Variants in ARMC9 observed in about 807,000 individuals in gnomAD.
ARMC9 encodes lisH domain-containing protein ARMC9.
ARMC9 carries 94 observed loss-of-function variants against 107.0 expected under a neutral mutation model. That is an observed-to-expected ratio of 0.88 (90% CI 0.74 to 1.04). The LOEUF is 1.04. Ranked by LOEUF, ARMC9 falls within the 50% of genes least tolerant of loss-of-function variation. The pLI is 0.00. For synonymous variants in ARMC9, 380 were observed against 396.9 expected (o/e 0.96, Z 0.51); for missense variants, 942 against 1,030.1 (o/e 0.91, Z 1.17).
chr2:231,221,830 C>CCAA (rs762857854), intron 5 of ARMC9, among the ~76,000 whole-genome samples: 2 of 74,090 alleles, frequency 2.7e-5, no homozygotes, highest in East Asian at 7.7e-4. Context: ...GACTCTGTCT[C>CCAA]AAAAAAAAAA....
rs75800289 is a variant in ARMC9, at chr2:231,279,940, A to G, written c.1551+1482A>G. 3.3e-3 allele frequency among the ~76,000 whole-genome samples: 505 copies of G among 152,296 alleles called. 5 individuals carry two copies. The highest frequency in any genetic ancestry group is 0.012 in the African/African-American group (485 of 41,560). On this transcript the variant is annotated intron_variant, in intron 16 of 24. Coordinates refer to ENST00000611582, the MANE Select transcript of ARMC9 (RefSeq NM_001352754.2). ...TTGGTGTCTTTGTGACATTCATTTT[A>G]TATTTTAAAGCTAGTGAGCTCTGAA...
intron 23 of ARMC9, among the ~76,000 whole-genome samples, chr2:231,367,291 G>A (rs565887247): frequency 8.3e-4 from 126 of 152,310 alleles, no homozygotes; most frequent in Non-Finnish European, 1.4e-3. Context: ...GGGCCCTGCC[G>A]CCCAGGCTTT....
At chr2:231,201,508 G>A (rs1433704726) in intron 1 of ARMC9, among the ~76,000 whole-genome samples, 1 of 152,076 alleles carries the variant, frequency 6.6e-6, no homozygotes, top group Non-Finnish European at 1.5e-5. Flanking sequence ...GCCCACTCCC[G>A]TGGTCGGGAG....
chr2:231,294,869 A>G (rs2041252539), intron 18 of ARMC9: 1 of 152,222 alleles, frequency 6.6e-6, no homozygotes, highest in Admixed American at 6.5e-5. Flanking sequence ...TTTCTAGACT[A>G]AATGGCATTC....
chr2:231,225,330 T>G (rs1220979817), intron 6 of ARMC9, among the ~76,000 whole-genome samples: 2 of 152,202 alleles, frequency 1.3e-5, no homozygotes, highest in African/African-American at 4.8e-5. Flanking sequence ...GTCCAGGCTG[T>G]ACACCCAAGA....
At chr2:231,270,652 A>G (rs138749105) in intron 12 of ARMC9, 247 of 513,962 alleles carry the variant, frequency 4.8e-4, no homozygotes, top group African/African-American at 4.1e-3. Flanking sequence ...GAGCCAAATT[A>G]GTCATGTGTC....
intron 19 of ARMC9, among the ~76,000 whole-genome samples, chr2:231,300,418 T>C (rs2041649473): frequency 6.6e-6 from 1 of 152,186 alleles, no homozygotes; most frequent in Admixed American, 6.5e-5. Flanking sequence ...TATCTGTGGT[T>C]TAAAATACCT....
intron 19 of ARMC9, among the ~76,000 whole-genome samples, chr2:231,303,219 G>A (rs571899589): frequency 1.4e-4 from 21 of 151,856 alleles, no homozygotes; most frequent in African/African-American, 4.6e-4. Context: ...TGTGGGTTTT[G>A]GGTTTGTTTG....
intron 23 of ARMC9, among the ~76,000 whole-genome samples, chr2:231,365,568 G>A (rs1024243629): frequency 5.3e-5 from 8 of 152,198 alleles, no homozygotes; most frequent in Non-Finnish European, 8.8e-5. Context: ...TATTGCTGCG[G>A]ACATTTCATC....
intron 21 of ARMC9, 129 bp from the exon 22 acceptor site, chr2:231,355,669 T>A (rs2045310800): frequency 8.6e-7 from 1 of 1,169,268 alleles, no homozygotes; most frequent in African/African-American, 1.5e-5. Context: ...AGGTCTGATA[T>A]GCTAATGATG....
At chr2:231,307,118 C>T (rs1464853997) in intron 19 of ARMC9, among the ~76,000 whole-genome samples, 1 of 152,194 alleles carries the variant, frequency 6.6e-6, no homozygotes, top group African/African-American at 2.4e-5. Flanking sequence ...GGGAACAGCT[C>T]TGCTCCATGG....
At chr2:231,242,942 C>G (rs1021244522) in intron 9 of ARMC9, among the ~76,000 whole-genome samples, 3 of 152,068 alleles carry the variant, frequency 2.0e-5, no homozygotes, top group Admixed American at 2.0e-4. Context: ...GAAAACCCAT[C>G]TCCACAAAAA....
intron 5 of ARMC9, among the ~76,000 whole-genome samples, chr2:231,220,079 C>T (rs1021610267): frequency 6.6e-6 from 1 of 152,186 alleles, no homozygotes; most frequent in African/African-American, 2.4e-5. Flanking sequence ...ATGTTTCCTT[C>T]TCTTAATCTC....
chr2:231,356,364 C>T (rs2045345382), intron 22 of ARMC9, among the ~76,000 whole-genome samples: 2 of 152,096 alleles, frequency 1.3e-5, no homozygotes, highest in South Asian at 4.1e-4. Flanking sequence ...GATCCAAACG[C>T]CTTTGAAACT....
Position 231,200,367 on chromosome 2 carries a change from G to C in ARMC9, c.-42+1669G>C, listed in dbSNP as rs958970065. The stretch of plus-strand genomic sequence containing the variant: ...TCTGGGGATATGAAGTTGAAATACA[G>C]CTCCCTGTCTTTGTGAACAGGGTTA... On this transcript the variant is annotated intron_variant, in intron 1 of 24. Coordinates refer to ENST00000611582, the MANE Select transcript of ARMC9 (RefSeq NM_001352754.2). Among the ~76,000 whole-genome samples, 3 of 152,306 alleles carry C rather than the reference G, an allele frequency of 2.0e-5. No homozygotes were observed. The East Asian group carries it at 5.8e-4, about 29-fold the overall frequency.
chr2:231,309,758 G>A (rs2042234788), intron 19 of ARMC9, among the ~76,000 whole-genome samples: 1 of 151,116 alleles, frequency 6.6e-6, no homozygotes, highest in Non-Finnish European at 1.5e-5. Flanking sequence ...TTTTCCAATT[G>A]AAGTTAGAGT....
At chr2:231,368,635 T>TGGGGGA in intron 23 of ARMC9, among the ~76,000 whole-genome samples, 1 of 152,170 alleles carries the variant, frequency 6.6e-6, no homozygotes, top group Non-Finnish European at 1.5e-5. Flanking sequence ...ACAAAAATTT[T>TGGGGGA]ATTTTTTGAG....
chr2:231,240,004 G>A lies in ARMC9; in HGVS notation c.842G>A (p.Ser281Asn), dbSNP rs770197592. Residue 281 changes from serine (S) to asparagine (N), a missense_variant, in exon 9 of 25, where the codon AGC becomes AAC. Ser to Asn is a conservative substitution (Grantham distance 46). Transcript: ENST00000611582. The stretch of plus-strand genomic sequence containing the variant: ...CTGTTCAGTAACCAGATGCGGCAGA[G>A]CCTGGCGCATAGTGTGGACTTCACG... ...VRLFSNQMRQ[S>N]LAHSVDFTRP... 2.3e-4 allele frequency: 378 copies of A among 1,613,770 alleles called. No homozygotes were observed. Among genetic ancestry groups the A allele is most frequent in the Non-Finnish European group, 3.0e-4 (354 of 1,179,898 alleles).
intron 19 of ARMC9, among the ~76,000 whole-genome samples, chr2:231,317,133 G>A (rs2042739470): frequency 6.6e-6 from 1 of 151,906 alleles, no homozygotes; most frequent in African/African-American, 2.4e-5. Context: ...GATGTACCTA[G>A]GTGTGGGTTT....
Sources: allele counts gnomAD v4.1 joint callset (sites outside exome capture counted in the v4.1 genomes callset), GRCh38; gene constraint gnomAD v4.1.1; transcripts MANE v1.5; gene names NCBI Gene and HGNC (gene_info 2026-07-23, HGNC 2026-07-21).